PRH1: variants seen among roughly 807,000 people sequenced by gnomAD.
PRH1 encodes salivary acidic proline-rich phosphoprotein 1/2.
A neutral mutation model predicts 7.9 loss-of-function variants in PRH1; 7 were observed. The observed-to-expected ratio is 0.89, with a 90% confidence interval of 0.50 to 1.67. The LOEUF is 1.67. PRH1 is among the 40% of genes most tolerant of loss of function. The pLI, the probability that PRH1 is intolerant of heterozygous loss-of-function variation, is 0.00. For synonymous variants in PRH1, 45 were observed against 80.8 expected (o/e 0.56, Z 2.38); for missense variants, 109 against 223.6 (o/e 0.49, Z 3.27).
chr12:11,039,398 C>G (rs955033204), intron 1 of PRH1, among the ~76,000 whole-genome samples: 4 of 152,226 alleles, frequency 2.6e-5, no homozygotes, highest in Non-Finnish European at 5.9e-5. Context: ...CAAAACAGCT[C>G]AAATTAACTC....
intron 1 of PRH1, among the ~76,000 whole-genome samples, chr12:11,069,199 G>A (rs79311157): frequency 0.53 from 62,865 of 119,616 alleles, 13,761 homozygotes; most frequent in Non-Finnish European, 0.61. Context: ...TTACAGGCTT[G>A]AGCCACAGCA....
At chr12:10,882,927 A>G in intron 2 of PRH1, 134 bp downstream of exon 2, 2 of 1,440,524 alleles carry the variant, frequency 1.4e-6, no homozygotes, top group South Asian at 1.2e-5. Context: ...TTGGGAGAAA[A>G]CTGTTTGTAT....
chr12:11,098,171 G>T (rs1393194654), intron 1 of PRH1, among the ~76,000 whole-genome samples: 1 of 136,808 alleles, frequency 7.3e-6, no homozygotes, highest in Non-Finnish European at 1.6e-5. Flanking sequence ...CTCCACCCAG[G>T]AAGTCCAGCT....
At chr12:11,068,629 G>T (rs1310702341) in intron 1 of PRH1, among the ~76,000 whole-genome samples, 3 of 152,254 alleles carry the variant, frequency 2.0e-5, no homozygotes, top group African/African-American at 7.2e-5. Context: ...ATACGTAAAA[G>T]GTGAGATTAG....
chr12:10,898,591 A>G (rs1949681299), intron 2 of PRH1, among the ~76,000 whole-genome samples: 1 of 152,224 alleles, frequency 6.6e-6, no homozygotes, highest in Non-Finnish European at 1.5e-5. Context: ...TGAAAAGATG[A>G]ACTCTAAACA....
At chr12:11,029,525 G>C (rs1354540485) in intron 1 of PRH1, among the ~76,000 whole-genome samples, 1 of 152,258 alleles carries the variant, frequency 6.6e-6, no homozygotes, top group Non-Finnish European at 1.5e-5. Context: ...TAGCAATTCA[G>C]GGGCTTAAAA....
chr12:11,099,908 T>C (rs1215378367), intron 1 of PRH1, among the ~76,000 whole-genome samples: 1 of 152,184 alleles, frequency 6.6e-6, no homozygotes, highest in African/African-American at 2.4e-5. Context: ...AGGTTTGTCC[T>C]GTGAGGTGGA....
intron 1 of PRH1, among the ~76,000 whole-genome samples, chr12:10,981,863 A>AT (rs1750979134): frequency 1.1e-5 from 1 of 87,184 alleles, no homozygotes; most frequent in Admixed American, 1.1e-4. Context: ...ACAAACAACT[A>AT]ATTTTTTTTT....
chr12:11,018,612 G>A (rs1941418273), intron 1 of PRH1, among the ~76,000 whole-genome samples: 1 of 151,624 alleles, frequency 6.6e-6, no homozygotes, highest in Non-Finnish European at 1.5e-5. Flanking sequence ...TTATTTGGAA[G>A]TTAGCTTGCT....
chr12:10,887,303 G>A (rs1414249607), upstream of PRH1, among the ~76,000 whole-genome samples: 2 of 152,128 alleles, frequency 1.3e-5, no homozygotes, highest in Non-Finnish European at 2.9e-5. Context: ...GCAGTGTTAT[G>A]AATTGGCAGA....
At chr12:10,908,921 T>C in intron 2 of PRH1, 1 of 1,613,236 alleles carries the variant, frequency 6.2e-7, no homozygotes, top group Non-Finnish European at 8.5e-7. Context: ...TCACTTTGTT[T>C]ACTCTCCACT....
At chr12:11,148,170 G>A (rs1288705554) in intron 1 of PRH1, among the ~76,000 whole-genome samples, 5 of 140,662 alleles carry the variant, frequency 3.6e-5, no homozygotes, top group African/African-American at 1.3e-4. Context: ...TTGCTTATCA[G>A]CTTAACGAGA....
intron 1 of PRH1, chr12:11,133,321 G>T (rs369010511): frequency 1.2e-6 from 2 of 1,613,400 alleles, no homozygotes; most frequent in South Asian, 2.2e-5. Context: ...TGAATCTATG[G>T]AGACGAAGGC....
chr12:11,084,577 A>G (rs72477439), intron 1 of PRH1, among the ~76,000 whole-genome samples: 15,855 of 68,910 alleles, frequency 0.23, 1,115 homozygotes, highest in East Asian at 0.31. Flanking sequence ...AATTCCCATT[A>G]CTTCATAAGC....
chr12:10,961,734 C>T (rs187177183), intron 2 of PRH1, among the ~76,000 whole-genome samples: 49 of 152,296 alleles, frequency 3.2e-4, no homozygotes, highest in Admixed American at 4.6e-4. Context: ...ATGGTAGTTC[C>T]GCCTCAGGGA....
intron 1 of PRH1, among the ~76,000 whole-genome samples, chr12:11,074,458 C>A (rs1302338092): frequency 2.3e-5 from 3 of 132,446 alleles, no homozygotes; most frequent in East Asian, 2.0e-4. Context: ...GGTGAGAGTT[C>A]CATGAGGGCA....
At chr12:10,981,620 C>A (rs1188781493) in intron 1 of PRH1, among the ~76,000 whole-genome samples, 2 of 152,022 alleles carry the variant, frequency 1.3e-5, no homozygotes, top group Non-Finnish European at 2.9e-5. Context: ...AGTGATCCAA[C>A]CACTCAGCCA....
At chr12:11,030,886 T>C (rs774681705) in intron 1 of PRH1, 4 of 1,475,780 alleles carry the variant, frequency 2.7e-6, no homozygotes, top group East Asian at 2.5e-5. Context: ...GTACAATCTC[T>C]TTCATGTTTA....
intron 1 of PRH1, among the ~76,000 whole-genome samples, chr12:11,123,811 G>A (rs1010046313): frequency 6.6e-6 from 1 of 152,016 alleles, no homozygotes; most frequent in African/African-American, 2.4e-5. Context: ...CTGTCTATTG[G>A]ATTCTCAATA....
Sources: gnomAD v4.1 joint callset for allele counts (sites outside exome capture counted in the v4.1 genomes callset) on GRCh38, gnomAD v4.1.1 for gene constraint, MANE v1.5 for transcripts, NCBI Gene and HGNC (gene_info 2026-07-23, HGNC 2026-07-21) for gene names.